Variants in PDE7B observed in about 807,000 individuals in gnomAD.
The protein encoded by PDE7B is phosphodiesterase 7B.
In PDE7B, 29 loss-of-function variants were observed where a neutral mutation model predicts 56.2. The ratio of observed to expected loss-of-function variants is 0.52; its 90% CI spans 0.38 to 0.70. The LOEUF (loss-of-function observed/expected upper bound fraction) is 0.70, where lower values mean the gene tolerates loss of function less well. PDE7B is among the 30% of genes least tolerant of loss of function. The pLI, the probability that PDE7B is intolerant of heterozygous loss-of-function variation, is 0.00. For missense variants in PDE7B, 490 were observed against 565.0 expected (o/e 0.87, Z 1.35); for synonymous variants, 197 against 196.9 (o/e 1.00, Z 0.00).
At position 136,195,505 on chromosome 6, in the gene PDE7B, T is replaced by C. The variant is rs565921454; in HGVS notation, c.*3665T>C. The C allele has an allele frequency of 5.1e-5, 7 of 136,214 alleles. No individual in the cohort carries two copies. The South Asian group carries it at 1.2e-3, about 23-fold the overall frequency. The allele number at this position is 136,214 out of a possible 1,614,324, so 8.4% of individuals were successfully genotyped here. On this transcript the variant is annotated 3_prime_UTR_variant, in exon 13 of 13. Coordinates refer to ENST00000308191, the MANE Select transcript of PDE7B (RefSeq NM_018945.4). ...ACTACCTTGTGAGTTTTGCTCAAAA[T>C]GTGGCCTAAGTAGCCATTGGCATGT...
At chr6:136,002,271 G>A (rs1469658584) in intron 2 of PDE7B, among the ~76,000 whole-genome samples, 1 of 152,136 alleles carries the variant, frequency 6.6e-6, no homozygotes, top group Non-Finnish European at 1.5e-5. Flanking sequence ...GACCGTCAAG[G>A]CTAGGAAGAA....
chr6:136,128,775 G>A (rs1014709721), intron 3 of PDE7B, among the ~76,000 whole-genome samples: 12 of 152,022 alleles, frequency 7.9e-5, no homozygotes, highest in African/African-American at 2.2e-4. Flanking sequence ...ATTAGGGTGG[G>A]GTTGCTTTGG....
At chr6:135,902,278 A>G (rs1397936873) in intron 1 of PDE7B, among the ~76,000 whole-genome samples, 1 of 152,076 alleles carries the variant, frequency 6.6e-6, no homozygotes, top group Admixed American at 6.6e-5. Context: ...AAGTGACGTC[A>G]ATGGAAGCAG....
intron 2 of PDE7B, among the ~76,000 whole-genome samples, chr6:136,105,250 T>A (rs1228387013): frequency 1.3e-5 from 2 of 152,220 alleles, no homozygotes; most frequent in Admixed American, 1.3e-4. Flanking sequence ...CAAATCATCA[T>A]GACTGTACAT....
chr6:135,969,382 A>C (rs1460710485), intron 2 of PDE7B, among the ~76,000 whole-genome samples: 1 of 152,172 alleles, frequency 6.6e-6, no homozygotes, highest in African/African-American at 2.4e-5. Context: ...GCATTTTTCT[A>C]GGGATAGCTT....
intron 2 of PDE7B, among the ~76,000 whole-genome samples, chr6:136,077,998 A>G (rs971575013): frequency 6.6e-6 from 1 of 152,150 alleles, no homozygotes; most frequent in Non-Finnish European, 1.5e-5. Flanking sequence ...TAGCTGCTGG[A>G]GGGAATGTTC....
chr6:136,008,521 C>A (rs182206130), intron 2 of PDE7B, among the ~76,000 whole-genome samples: 1 of 152,198 alleles, frequency 6.6e-6, no homozygotes, highest in Admixed American at 6.5e-5. Flanking sequence ...TTAATGATTG[C>A]CATTCTAACT....
intron 1 of PDE7B, among the ~76,000 whole-genome samples, chr6:135,902,099 T>C (rs1776012105): frequency 6.6e-6 from 1 of 152,208 alleles, no homozygotes; most frequent in Admixed American, 6.5e-5. Context: ...TTTGCAAATG[T>C]GGCTCTCAGA....
chr6:135,940,041 GA>G (rs573028022), intron 1 of PDE7B, among the ~76,000 whole-genome samples: 206 of 152,230 alleles, frequency 1.4e-3, no homozygotes, highest in African/African-American at 4.5e-3. Context: ...AGTCCATAAA[GA>G]TTTTTTTTTA....
chr6:136,089,729 A>ATAAAG (rs1777354857), intron 2 of PDE7B, among the ~76,000 whole-genome samples: 1 of 152,232 alleles, frequency 6.6e-6, no homozygotes, highest in Non-Finnish European at 1.5e-5. Context: ...ATACACTTGG[A>ATAAAG]TAAAGTAAAA....
At chr6:135,946,677 T>A (rs1324615761) in intron 1 of PDE7B, among the ~76,000 whole-genome samples, 1 of 152,152 alleles carries the variant, frequency 6.6e-6, no homozygotes, top group Non-Finnish European at 1.5e-5. Flanking sequence ...GTTTTCTATG[T>A]TTATTGACCA....
chr6:136,139,634 G>A (rs937129057), intron 3 of PDE7B, among the ~76,000 whole-genome samples: 1 of 152,172 alleles, frequency 6.6e-6, no homozygotes, highest in Non-Finnish European at 1.5e-5. Flanking sequence ...AGTACCTGTT[G>A]TTTCCTGACT....
At chr6:136,047,876 A>G (rs1014975664) in intron 2 of PDE7B, among the ~76,000 whole-genome samples, 5 of 152,238 alleles carry the variant, frequency 3.3e-5, no homozygotes, top group Admixed American at 2.0e-4. Flanking sequence ...TACAGAAACA[A>G]CTCACTGATA....
rs1779295947 is a variant in PDE7B, at chr6:136,195,311, T to C, written c.*3471T>C. The C allele has an allele frequency of 6.6e-6, 1 of 152,160 alleles. No homozygotes were observed. The highest frequency in any genetic ancestry group is 1.5e-5 in the Non-Finnish European group (1 of 68,026). The allele number at this position is 152,160 out of a possible 1,614,324, so 9.4% of individuals were successfully genotyped here. ...GTGCTTCCTACAAAACTAGGTCTTG[T>C]TTTGTAATCTTTTCTCGTGTTGAAT... On this transcript the variant is annotated 3_prime_UTR_variant, in exon 13 of 13. Transcript: ENST00000308191.
At chr6:136,157,915 C>T (rs551931814) in intron 8 of PDE7B, among the ~76,000 whole-genome samples, 2 of 152,264 alleles carry the variant, frequency 1.3e-5, no homozygotes, top group South Asian at 2.1e-4. Context: ...TCTACAGCTC[C>T]GTCTCTGATC....
At chr6:135,888,434 T>A (rs1474293494) in intron 1 of PDE7B, among the ~76,000 whole-genome samples, 3 of 151,774 alleles carry the variant, frequency 2.0e-5, no homozygotes, top group African/African-American at 7.3e-5. Context: ...TGAGCTCCAA[T>A]AAAGCTGAAA....
Position 135,914,346 on chromosome 6 carries a change from A to T in PDE7B, c.22-33118A>T, listed in dbSNP as rs1583764873. ...TCACTTTAGAAAGTTCCCTGTGCTC[A>T]TTTTTTGTCGACCCCTGCCCCACCC... is the stretch of plus-strand genomic sequence containing the variant. On this transcript the variant is annotated intron_variant, in intron 1 of 12. Coordinates refer to ENST00000308191, the MANE Select transcript of PDE7B (RefSeq NM_018945.4). 2.0e-5 allele frequency among the ~76,000 whole-genome samples: 3 copies of T among 151,644 alleles called. No individual in the cohort carries two copies. In the East Asian group the frequency reaches 5.8e-4, roughly 29 times the overall value.
chr6:136,111,451 C>G (rs1189751396), intron 3 of PDE7B, among the ~76,000 whole-genome samples: 2 of 152,120 alleles, frequency 1.3e-5, no homozygotes, highest in Non-Finnish European at 2.9e-5. Context: ...TATAATGCAC[C>G]AAAGACCCCA....
intron 1 of PDE7B, among the ~76,000 whole-genome samples, chr6:135,934,756 T>A (rs796780421): frequency 0.024 from 2,053 of 86,724 alleles, 77 homozygotes; most frequent in African/African-American, 0.072. Flanking sequence ...ATATATATAT[T>A]TTTTAAATAT....
Sources: allele counts gnomAD v4.1 joint callset (sites outside exome capture counted in the v4.1 genomes callset), GRCh38; gene constraint gnomAD v4.1.1; transcripts MANE v1.5; gene names NCBI Gene and HGNC (gene_info 2026-07-23, HGNC 2026-07-21).